The following PRKCQ variants were observed in gnomAD, a reference collection of about 807,000 sequenced individuals.
PRKCQ encodes protein kinase C theta.
PRKCQ carries 41 observed loss-of-function variants against 91.2 expected under a neutral mutation model. That is an observed-to-expected ratio of 0.45 (90% CI 0.35 to 0.58). The LOEUF is 0.58. Among genes scored for constraint, PRKCQ ranks in the 20% least tolerant of loss-of-function variants. PRKCQ has a pLI of 0.00. For synonymous variants in PRKCQ, 307 were observed against 316.9 expected, an observed-to-expected ratio of 0.97 and a Z score of 0.33; for missense variants, 673 against 896.5, an observed-to-expected ratio of 0.75 and a Z score of 3.18.
At chr10:6,563,598 C>A (rs1363671338) in intron 1 of PRKCQ, among the ~76,000 whole-genome samples, 6 of 152,202 alleles carry the variant, frequency 3.9e-5, no homozygotes, top group Non-Finnish European at 8.8e-5. Context: ...AAGCCCACCG[C>A]TTTGTTCCTC....
At chr10:6,504,830 A>G (rs994053795) in intron 4 of PRKCQ, among the ~76,000 whole-genome samples, 1 of 152,124 alleles carries the variant, frequency 6.6e-6, no homozygotes, top group African/African-American at 2.4e-5. Flanking sequence ...TTGACACATA[A>G]AAATTTAGAG....
intron 2 of PRKCQ, among the ~76,000 whole-genome samples, 188 bp downstream of exon 2, chr10:6,514,830 G>GGTT (rs1305846544): frequency 6.6e-5 from 10 of 152,132 alleles, no homozygotes; most frequent in African/African-American, 2.4e-4. Context: ...ATCGGGTCCT[G>GGTT]GTTTAGAGTC....
In PRKCQ at chr10:6,515,274, A is replaced by G. The variant is rs762608035; in HGVS notation, c.-9-130T>C. 11 of 1,541,970 alleles carry G rather than the reference A, an allele frequency of 7.1e-6. No individual in the cohort carries two copies. The Middle Eastern group carries it at 5.0e-4, about 70-fold the overall frequency. ...TCACATAGGTCCACTATCCATGTGAACAAATGTTTTCACTTCCCCTTCTGC... is the reference window on the plus strand; with the variant it reads ...TCACATAGGTCCACTATCCATGTGAGCAAATGTTTTCACTTCCCCTTCTGC... On this transcript the variant is annotated intron_variant, in intron 1 of 17. Transcript: ENST00000263125.
intron 1 of PRKCQ, among the ~76,000 whole-genome samples, chr10:6,540,458 G>GTCTA (rs1839733545): frequency 6.6e-6 from 1 of 152,046 alleles, no homozygotes; most frequent in African/African-American, 2.4e-5. Context: ...GACTACTCTA[G>GTCTA]GAACCTCGTA....
rs143678264 is a variant in PRKCQ at position 6,433,923 on chromosome 10, C to T, written c.1837-2985G>A. ...GTGGACGCCTGTAACCCCAGCTATG[C>T]GGGAGGCTGAGGCAGGAGAATCATT... On this transcript the variant is annotated intron_variant, in intron 16 of 17. Transcript: ENST00000263125. 5.5e-3 allele frequency among the ~76,000 whole-genome samples: 822 copies of T among 148,550 alleles called. 9 individuals carry two copies. Among genetic ancestry groups the T allele is most frequent in the African/African-American group, 0.019 (780 of 40,212 alleles).
chr10:6,404,609 CTCTTTCTT>C, the PRKCQ span, among the ~76,000 whole-genome samples: 1 of 132,646 alleles, frequency 7.5e-6, no homozygotes, highest in Non-Finnish European at 1.6e-5. Context: ...CTCTCTTTCT[CTCTTTCTT>C]TCTCTCTTTC....
chr10:6,415,736 C>G, the PRKCQ span, among the ~76,000 whole-genome samples: 2 of 76,522 alleles, frequency 2.6e-5, no homozygotes, highest in African/African-American at 3.5e-5. Flanking sequence ...ATGTTTCTCT[C>G]TCTCTCTCTC....
chr10:6,579,181 C>CT (rs1047349669), intron 1 of PRKCQ, among the ~76,000 whole-genome samples: 2 of 152,222 alleles, frequency 1.3e-5, no homozygotes, highest in African/African-American at 4.8e-5. Flanking sequence ...ATTCAGCAGG[C>CT]TTGAGGTGTG....
intron 10 of PRKCQ, among the ~76,000 whole-genome samples, chr10:6,483,904 G>A (rs1836759833): frequency 6.6e-6 from 1 of 152,282 alleles, no homozygotes; most frequent in African/African-American, 2.4e-5. Context: ...GACCATATAT[G>A]CAAAATACAC....
intron 4 of PRKCQ, among the ~76,000 whole-genome samples, chr10:6,506,214 T>C (rs1027930622): frequency 4.6e-5 from 7 of 152,226 alleles, no homozygotes; most frequent in African/African-American, 1.4e-4. Context: ...ATTCTTTCTT[T>C]CTTTTAAAAA....
At chr10:6,528,609 T>C (rs1275726066) in intron 1 of PRKCQ, among the ~76,000 whole-genome samples, 1 of 152,230 alleles carries the variant, frequency 6.6e-6, no homozygotes, top group African/African-American at 2.4e-5. Context: ...AGCACAAGCA[T>C]AGCCAAGAGG....
intron 3 of PRKCQ, among the ~76,000 whole-genome samples, chr10:6,509,182 C>G (rs1295634641): frequency 6.6e-6 from 1 of 152,092 alleles, no homozygotes; most frequent in Non-Finnish European, 1.5e-5. Context: ...TCTAAATAAT[C>G]CTAGAATGCA....
At chr10:6,404,246 A>AGG in the PRKCQ span, among the ~76,000 whole-genome samples, 3 of 8,772 alleles carry the variant, frequency 3.4e-4, no homozygotes, top group African/African-American at 4.4e-4. Flanking sequence ...AAAGGGAGAG[A>AGG]AGGGGGGGGG....
intron 12 of PRKCQ, among the ~76,000 whole-genome samples, chr10:6,471,901 T>C (rs1405419474): frequency 6.6e-6 from 1 of 152,172 alleles, no homozygotes; most frequent in African/African-American, 2.4e-5. Flanking sequence ...GACAATACTT[T>C]TGGGACTTTG....
chr10:6,493,772 G>A (rs1470753316), intron 7 of PRKCQ, among the ~76,000 whole-genome samples: 1 of 152,194 alleles, frequency 6.6e-6, no homozygotes, highest in Admixed American at 6.5e-5. Flanking sequence ...TACCAGCTCT[G>A]CCACGTACAG....
chr10:6,411,604 G>A, the PRKCQ span, among the ~76,000 whole-genome samples: 2 of 152,210 alleles, frequency 1.3e-5, no homozygotes. Flanking sequence ...TGTAAGTAAA[G>A]TTTCATTGGG....
At chr10:6,421,578 G>A in the PRKCQ span, among the ~76,000 whole-genome samples, 1 of 152,196 alleles carries the variant, frequency 6.6e-6, no homozygotes, top group African/African-American at 2.4e-5. The surrounding 1 kb of genome is among the most constrained non-coding windows in gnomAD (Gnocchi z 4.1). Context: ...CAGTGCAGAT[G>A]TGGTACATTT....
Position 6,491,819 on chromosome 10 carries a change from G to C in PRKCQ, c.661-7C>G. 1 of 1,614,182 alleles carries C rather than the reference G, an allele frequency of 6.2e-7. No individual in the cohort carries two copies. Among genetic ancestry groups the C allele is most frequent in the Non-Finnish European group, 8.5e-7 (1 of 1,180,018 alleles). ...TGAATCTCTCCTTGTGGAACTGAAA[G>C]AAAGGCAGAAGGTGAAATCTGTGTA... On this transcript the variant is annotated splice_polypyrimidine_tract_variant and splice_region_variant and intron_variant, in intron 7 of 17. Transcript: ENST00000263125.
chr10:6,411,946 A>G, the PRKCQ span, among the ~76,000 whole-genome samples: 14 of 152,344 alleles, frequency 9.2e-5, no homozygotes, highest in South Asian at 2.9e-3. Flanking sequence ...TTTGATAGAT[A>G]CTAAGTCTTT....
Sources: gnomAD v4.1 joint callset for allele counts (sites outside exome capture counted in the v4.1 genomes callset) on GRCh38, gnomAD v4.1.1 for gene constraint, Gnocchi (gnomAD v3.1) non-coding constraint, MANE v1.5 for transcripts, NCBI Gene and HGNC (gene_info 2026-07-23, HGNC 2026-07-21) for gene names.